Variants in PCDH7 observed in about 807,000 individuals in gnomAD.
The protein encoded by PCDH7 is protocadherin-7.
PCDH7 carries 17 observed loss-of-function variants against 58.9 expected under a neutral mutation model. The observed-to-expected ratio is 0.29, with a 90% CI of 0.20 to 0.43. The LOEUF is 0.43. Ranked by LOEUF, PCDH7 falls within the 20% of genes least tolerant of loss-of-function variation. The probability of loss-of-function intolerance (pLI) is 1.00; values close to 1 mark genes in which losing one functional copy is unlikely to be tolerated. For synonymous variants in PCDH7, 664 were observed against 616.4 expected, an observed-to-expected ratio of 1.08 and a Z score of -1.14; for missense variants, 1,274 against 1,441.0, an observed-to-expected ratio of 0.88 and a Z score of 1.88.
intron 3 of PCDH7, among the ~76,000 whole-genome samples, chr4:30,961,507 G>A (rs1458065235): frequency 4.0e-5 from 6 of 151,704 alleles, no homozygotes; most frequent in East Asian, 1.9e-4. Flanking sequence ...AGCCGAGATC[G>A]TGCCACTGCA....
intron 1 of PCDH7, among the ~76,000 whole-genome samples, chr4:30,851,294 T>G (rs185769276): frequency 3.6e-4 from 54 of 152,060 alleles, no homozygotes; most frequent in Non-Finnish European, 6.6e-4. Context: ...CTTACCTACT[T>G]TTGAATCTAG....
chr4:30,881,051 C>G (rs1463552096), intron 1 of PCDH7, among the ~76,000 whole-genome samples: 1 of 152,114 alleles, frequency 6.6e-6, no homozygotes, highest in African/African-American at 2.4e-5. Flanking sequence ...TAAATCAAAC[C>G]AGTTCACATA....
At chr4:30,750,301 G>C (rs1320152291) in intron 1 of PCDH7, among the ~76,000 whole-genome samples, 1 of 152,110 alleles carries the variant, frequency 6.6e-6, no homozygotes, top group African/African-American at 2.4e-5. Context: ...TTTAGTATGG[G>C]CTAGCAATTT....
chr4:30,866,462 C>T (rs1194026130), intron 1 of PCDH7, among the ~76,000 whole-genome samples: 1 of 152,014 alleles, frequency 6.6e-6, no homozygotes, highest in Non-Finnish European at 1.5e-5. Context: ...TTCCATTATA[C>T]ACAACAGCTT....
In PCDH7 at chr4:30,920,342, G is replaced by A. The variant is rs770494606; in HGVS notation, c.262G>A (p.Val88Ile). The A allele has an allele frequency of 2.9e-6, 4 of 1,367,460 alleles. No homozygotes were observed. The Admixed American group carries it at 5.7e-5, about 20-fold the overall frequency. The allele number at this position is 1,367,460 out of a possible 1,614,324, so 84.7% of individuals were successfully genotyped here. The stretch of plus-strand genomic sequence containing the variant: ...TGAAAGGACCACGCCGGATGGCAGT[G>A]TTGGTGAGGCAGAGCATATGGAAAA... The change falls in exon 2 of 4, where the codon GTT becomes ATT. Residue 88 changes from valine to isoleucine, a missense_variant. Physicochemically the swap from Val to Ile is conservative, Grantham distance 29 (BLOSUM62 3). Coordinates refer to the PCDH7 transcript ENST00000509759.
chr4:31,062,437 A>T (rs958181768), intron 3 of PCDH7, among the ~76,000 whole-genome samples: 2 of 151,812 alleles, frequency 1.3e-5, no homozygotes, highest in African/African-American at 4.8e-5. Flanking sequence ...TAAAATATCT[A>T]ATTTCCTTTA....
intron 3 of PCDH7, among the ~76,000 whole-genome samples, chr4:31,108,758 T>C (rs1237367666): frequency 6.6e-6 from 1 of 152,114 alleles, no homozygotes; most frequent in Non-Finnish European, 1.5e-5. Context: ...CAACTACACA[T>C]TGAGCATTAT....
intron 3 of PCDH7, among the ~76,000 whole-genome samples, chr4:31,101,894 C>A (rs1247391140): frequency 6.6e-6 from 1 of 152,118 alleles, no homozygotes; most frequent in Non-Finnish European, 1.5e-5. Context: ...AAGCATAATT[C>A]CATATTACAA....
chr4:31,132,344 C>T (rs1013630850), intron 3 of PCDH7, among the ~76,000 whole-genome samples: 13 of 151,948 alleles, frequency 8.6e-5, no homozygotes, highest in African/African-American at 2.7e-4. Context: ...ATAAAATGAG[C>T]GCTTCCTTCA....
At chr4:31,036,316 G>A (rs1459789771) in intron 3 of PCDH7, among the ~76,000 whole-genome samples, 6 of 152,086 alleles carry the variant, frequency 3.9e-5, no homozygotes, top group Non-Finnish European at 8.8e-5. Context: ...CTCCTCAGTA[G>A]CGGGGATTAC....
At chr4:31,092,025 C>T (rs577533564) in intron 3 of PCDH7, among the ~76,000 whole-genome samples, 6 of 151,786 alleles carry the variant, frequency 4.0e-5, no homozygotes, top group South Asian at 2.1e-4. Context: ...TCTTCCCCCA[C>T]GCACGTGTTT....
chr4:31,075,069 T>C (rs1758873886), intron 3 of PCDH7, among the ~76,000 whole-genome samples: 1 of 152,138 alleles, frequency 6.6e-6, no homozygotes, highest in African/African-American at 2.4e-5. Flanking sequence ...CCTCACCCTT[T>C]TTTTACAAAC....
chr4:30,959,990 T>A (rs1457599326), intron 3 of PCDH7, among the ~76,000 whole-genome samples: 1 of 151,948 alleles, frequency 6.6e-6, no homozygotes, highest in Non-Finnish European at 1.5e-5. Context: ...TGTATTCTAT[T>A]TTCTCACCTG....
chr4:30,798,041 G>C (rs1200915811), intron 1 of PCDH7, among the ~76,000 whole-genome samples: 6 of 152,196 alleles, frequency 3.9e-5, no homozygotes, highest in Non-Finnish European at 5.9e-5. Flanking sequence ...TTGTTACCAA[G>C]ATAAATGTGT....
chr4:31,091,703 G>T (rs1713276275), intron 3 of PCDH7, among the ~76,000 whole-genome samples: 1 of 151,860 alleles, frequency 6.6e-6, no homozygotes, highest in Non-Finnish European at 1.5e-5. Flanking sequence ...CAGTTATTGT[G>T]AGGAACATTT....
chr4:30,968,808 T>C (rs543021177), intron 3 of PCDH7, among the ~76,000 whole-genome samples: 2 of 152,256 alleles, frequency 1.3e-5, no homozygotes, highest in Middle Eastern at 6.8e-3. Context: ...TGGCATAGGA[T>C]GCTCTATAGT....
intron 3 of PCDH7, among the ~76,000 whole-genome samples, chr4:31,134,884 C>G (rs1486126789): frequency 3.9e-5 from 6 of 152,130 alleles, no homozygotes; most frequent in Non-Finnish European, 8.8e-5. Context: ...GTTGTGACCT[C>G]TTAATAGCTG....
At chr4:31,094,734 G>C (rs569236210) in intron 3 of PCDH7, among the ~76,000 whole-genome samples, 45 of 152,002 alleles carry the variant, frequency 3.0e-4, no homozygotes. Context: ...AAAAAAAATT[G>C]TACAGTTTAG....
At chr4:30,749,451 T>G (rs1363620248) in intron 1 of PCDH7, among the ~76,000 whole-genome samples, 2 of 152,250 alleles carry the variant, frequency 1.3e-5, no homozygotes, top group Admixed American at 1.3e-4. Flanking sequence ...TGAAACGCAT[T>G]AAGCATCCTT....
Sources: gnomAD v4.1 joint callset for allele counts (sites outside exome capture counted in the v4.1 genomes callset) on GRCh38, gnomAD v4.1.1 for gene constraint, MANE v1.5 for transcripts, NCBI Gene and HGNC (gene_info 2026-07-23, HGNC 2026-07-21) for gene names.